SQOR: variants seen among roughly 807,000 people sequenced by gnomAD.
The protein encoded by SQOR is sulfide:quinone oxidoreductase, mitochondrial.
Under a neutral mutation model 48.6 loss-of-function variants are expected in SQOR, and 39 were observed. The observed-to-expected ratio is 0.80, with a 90% confidence interval of 0.62 to 1.05. SQOR has a LOEUF of 1.05. SQOR is among the 50% of genes least tolerant of loss of function. The pLI is 0.00. For missense variants in SQOR, 561 were observed against 559.9 expected (o/e 1.00, Z -0.02); for synonymous variants, 220 against 206.2 (o/e 1.07, Z -0.57).
chr15:45,634,381 A>G (rs1894957674), upstream of SQOR, among the ~76,000 whole-genome samples: 1 of 151,618 alleles, frequency 6.6e-6, no homozygotes. Flanking sequence ...ACTGAATCTG[A>G]TATGGTGGAG....
chr15:45,668,122 T>G (rs1290702736), intron 3 of SQOR, among the ~76,000 whole-genome samples: 1 of 151,854 alleles, frequency 6.6e-6, no homozygotes, highest in Non-Finnish European at 1.5e-5. Context: ...TTTTTTGTAT[T>G]TTTAGTAGAG....
chr15:45,636,863 C>T (rs1000432604), intron 1 of SQOR, among the ~76,000 whole-genome samples: 1 of 152,204 alleles, frequency 6.6e-6, no homozygotes, highest in Middle Eastern at 3.4e-3. Flanking sequence ...ATGTAAAATA[C>T]TTTTCCATCT....
intron 1 of SQOR, among the ~76,000 whole-genome samples, chr15:45,637,353 C>G (rs1044525314): frequency 9.9e-5 from 15 of 152,106 alleles, no homozygotes; most frequent in Admixed American, 6.6e-5. Context: ...TTTAAGGCAC[C>G]CAGCACTGCA....
At chr15:45,634,226 T>TATATATATATATATATATATATATA (rs1555399817), upstream of SQOR, among the ~76,000 whole-genome samples, 8 of 33,626 alleles carry the variant, frequency 2.4e-4, no homozygotes, top group Non-Finnish European at 3.1e-4. Flanking sequence ...ATATATATAT[T>TATATATATATATATATATATATATA]CAAAATTCAT....
upstream of SQOR, among the ~76,000 whole-genome samples, chr15:45,634,226 T>TATATATATATATATATA (rs1555399817): frequency 1.2e-4 from 4 of 33,570 alleles, no homozygotes; most frequent in Non-Finnish European, 2.5e-4. Flanking sequence ...ATATATATAT[T>TATATATATATATATATA]CAAAATTCAT....
intron 1 of SQOR, among the ~76,000 whole-genome samples, chr15:45,652,776 A>C (rs112353315): frequency 0.091 from 13,633 of 149,942 alleles, 741 homozygotes; most frequent in Middle Eastern, 0.21. Context: ...GTTCAAGACC[A>C]GTCTGGCCAA....
At chr15:45,684,468 T>C (rs1339636211) in intron 7 of SQOR, among the ~76,000 whole-genome samples, 3 of 152,226 alleles carry the variant, frequency 2.0e-5, no homozygotes, top group African/African-American at 7.2e-5. Flanking sequence ...ATTCAGGTTA[T>C]ATGTTTTGGC....
chr15:45,651,447 GC>G (rs1456783691), intron 1 of SQOR, among the ~76,000 whole-genome samples: 1 of 152,200 alleles, frequency 6.6e-6, no homozygotes, highest in East Asian at 1.9e-4. Context: ...CCATAGAGGG[GC>G]CCCCACAGCG....
At chr15:45,682,332 G>C in intron 6 of SQOR, 146 bp from the exon 7 acceptor site, 1 of 744,502 alleles carries the variant, frequency 1.3e-6, no homozygotes, top group Non-Finnish European at 2.1e-6. Flanking sequence ...AGATCTTGGA[G>C]AGGGCGTGGA....
chr15:45,674,618 T>A (rs1479317667), intron 5 of SQOR, among the ~76,000 whole-genome samples: 2 of 152,144 alleles, frequency 1.3e-5, no homozygotes, highest in Non-Finnish European at 2.9e-5. Context: ...AAAAATATGA[T>A]ACGGAAAATG....
intron 5 of SQOR, among the ~76,000 whole-genome samples, chr15:45,674,734 G>GTAAGAGCAGTTGTC (rs1187276557): frequency 3.3e-5 from 5 of 152,226 alleles, no homozygotes; most frequent in Non-Finnish European, 4.4e-5. Flanking sequence ...TGCTCTCTGT[G>GTAAGAGCAGTTGTC]TAAGAGCAGT....
rs115371596 is a variant in SQOR at position 45,658,944 on chromosome 15, G to A, written c.21G>A (p.Val7=). ...TGAAGATGGTGCCACTGGTGGCTGT[G>A]GTATCAGGGCCCCGTGCCCAGCTCT... MVPLVA[V]VSGPRAQLFA... The change falls in exon 2 of 10, where the codon GTG becomes GTA. Residue 7 remains valine (V), a synonymous_variant. Transcript: ENST00000260324. 259 of 1,570,246 alleles carry A rather than the reference G, an allele frequency of 1.6e-4. No individual in the cohort carries two copies. The African/African-American group carries it at 3.1e-3, about 19-fold the overall frequency.
At chr15:45,676,550 T>G (rs907818751) in intron 6 of SQOR, among the ~76,000 whole-genome samples, 5 of 152,144 alleles carry the variant, frequency 3.3e-5, no homozygotes, top group Non-Finnish European at 7.4e-5. Context: ...CCAAGTGAAT[T>G]TTTGTCCTAT....
At chr15:45,639,626 A>G (rs758435114) in intron 1 of SQOR, among the ~76,000 whole-genome samples, 3 of 152,222 alleles carry the variant, frequency 2.0e-5, no homozygotes, top group Non-Finnish European at 4.4e-5. Context: ...ACTTTCTTAT[A>G]TCTTTGGCTA....
At chr15:45,690,132 C>A in intron 9 of SQOR, among the ~76,000 whole-genome samples, 1 of 120,550 alleles carries the variant, frequency 8.3e-6, no homozygotes, top group East Asian at 2.2e-4. Context: ...GTGGTGTGAT[C>A]TCAGCTCGCT....
At chr15:45,668,830 C>A (rs1439957844) in intron 3 of SQOR, among the ~76,000 whole-genome samples, 1 of 152,200 alleles carries the variant, frequency 6.6e-6, no homozygotes, top group Non-Finnish European at 1.5e-5. Flanking sequence ...AGTTCTTGTA[C>A]TTTACGGCCA....
upstream of SQOR, among the ~76,000 whole-genome samples, chr15:45,634,201 T>A (rs1317154373): frequency 5.7e-4 from 60 of 105,680 alleles, 1 homozygote; most frequent in Non-Finnish European, 1.0e-3. Context: ...ACAACAACTA[T>A]ATATATATAT....
chr15:45,667,236 A>G (rs1595503405), intron 3 of SQOR, among the ~76,000 whole-genome samples: 1 of 146,150 alleles, frequency 6.8e-6, no homozygotes, highest in South Asian at 2.2e-4. Flanking sequence ...TCTTGGGCTC[A>G]AGAGTTCTGA....
intron 1 of SQOR, among the ~76,000 whole-genome samples, chr15:45,657,502 C>T (rs1445557271): frequency 6.6e-6 from 1 of 152,116 alleles, no homozygotes; most frequent in African/African-American, 2.4e-5. Context: ...ATGAGCCTGT[C>T]CTACTTACCG....
Sources: allele counts gnomAD v4.1 joint callset (sites outside exome capture counted in the v4.1 genomes callset), GRCh38; gene constraint gnomAD v4.1.1; transcripts MANE v1.5; gene names NCBI Gene and HGNC (gene_info 2026-07-23, HGNC 2026-07-21).